Variants in SEMA5B observed in about 807,000 individuals in gnomAD.
The protein encoded by SEMA5B is semaphorin-5B.
Under a neutral mutation model 135.0 loss-of-function variants are expected in SEMA5B, and 66 were observed. The observed-to-expected ratio is 0.49, with a 90% CI of 0.40 to 0.60. The LOEUF is 0.60. Among genes scored for constraint, SEMA5B ranks in the 20% least tolerant of loss-of-function variants. SEMA5B has a pLI of 0.00. For synonymous variants in SEMA5B, 690 were observed against 639.5 expected (o/e 1.08, Z -1.19); for missense variants, 1,501 against 1,566.3 (o/e 0.96, Z 0.70).
chr3:123,010,242 A>G (rs2034177), intron 1 of SEMA5B, among the ~76,000 whole-genome samples: 41,817 of 152,124 alleles, frequency 0.27, 11,143 homozygotes, highest in African/African-American at 0.7. Flanking sequence ...GGATGGGACA[A>G]ATCATGGAAT....
intron 12 of SEMA5B, among the ~76,000 whole-genome samples, chr3:122,920,330 G>T (rs1237390730): frequency 6.6e-6 from 1 of 152,204 alleles, no homozygotes; most frequent in Admixed American, 6.5e-5. Context: ...CTTGGGCTGG[G>T]TGGGACTCCC....
intron 1 of SEMA5B, among the ~76,000 whole-genome samples, chr3:122,971,276 C>T (rs1333491383): frequency 1.3e-5 from 2 of 152,226 alleles, no homozygotes; most frequent in African/African-American, 2.4e-5. Flanking sequence ...AGCTGCTAAC[C>T]CAGCACCAGT....
chr3:123,011,868 G>T (rs9864897), intron 1 of SEMA5B, among the ~76,000 whole-genome samples: 40,139 of 152,082 alleles, frequency 0.26, 10,077 homozygotes, highest in African/African-American at 0.66. Flanking sequence ...CAGAAACCCC[G>T]CTCTGGGGCT....
chr3:123,008,611 A>G (rs1219736604), intron 1 of SEMA5B, among the ~76,000 whole-genome samples: 1 of 152,108 alleles, frequency 6.6e-6, no homozygotes, highest in Non-Finnish European at 1.5e-5. Flanking sequence ...CAGGGTTTTG[A>G]GAAGATGTCA....
At chr3:122,976,218 C>T in intron 1 of SEMA5B, 1 of 1,434,234 alleles carries the variant, frequency 7.0e-7, no homozygotes, top group Non-Finnish European at 9.3e-7. Context: ...CCAGCAGCAT[C>T]TGCACCTCCT....
chr3:122,923,598 AGAG>A lies in SEMA5B; in HGVS notation c.1272+16_1272+18del. On this transcript the variant is annotated intron_variant, in intron 10 of 22. Transcript: ENST00000357599. ...TAAGGCAGTGTGTGAAGACAGGGAA[AGAG>A]GAGGAGATTCTGTACCTGGAAATTG... The A allele has an allele frequency of 6.2e-7, 1 of 1,613,798 alleles. No homozygotes were observed.
intron 5 of SEMA5B, among the ~76,000 whole-genome samples, chr3:122,932,044 T>A (rs1350460748): frequency 6.6e-6 from 1 of 152,200 alleles, no homozygotes; most frequent in Non-Finnish European, 1.5e-5. Context: ...TTCAGACTCA[T>A]TAAAATGTGA....
chr3:122,957,427 C>T (rs529306523), intron 2 of SEMA5B, among the ~76,000 whole-genome samples: 1 of 152,366 alleles, frequency 6.6e-6, no homozygotes, highest in East Asian at 1.9e-4. Flanking sequence ...AGCCGTGTGG[C>T]CCACAGAGCT....
intron 1 of SEMA5B, among the ~76,000 whole-genome samples, chr3:122,978,752 G>A (rs10934630): frequency 0.012 from 1,834 of 152,158 alleles, 38 homozygotes; most frequent in African/African-American, 0.041. Context: ...AGGGCCTTGC[G>A]TGATGGGGAG....
intron 3 of SEMA5B, among the ~76,000 whole-genome samples, chr3:122,946,219 A>T (rs1008480803): frequency 1.3e-5 from 2 of 152,228 alleles, no homozygotes; most frequent in Admixed American, 1.3e-4. Context: ...CTGGAAAGGT[A>T]ACACTGGCAA....
intron 3 of SEMA5B, among the ~76,000 whole-genome samples, chr3:122,943,864 A>G (rs898900602): frequency 3.3e-5 from 5 of 152,122 alleles, no homozygotes; most frequent in African/African-American, 1.2e-4. Context: ...TTCTACCTCT[A>G]CACTGCCTCT....
upstream of SEMA5B, chr3:123,027,960 A>G (rs2107864534): frequency 6.6e-6 from 1 of 150,678 alleles, no homozygotes; most frequent in South Asian, 2.1e-4. Context: ...TGCTCGGCCG[A>G]CTCCCGCCCC....
intron 12 of SEMA5B, 105 bp downstream of exon 12, chr3:122,921,810 G>T (rs1938357283): frequency 5.7e-6 from 5 of 876,718 alleles, no homozygotes; most frequent in Non-Finnish European, 6.7e-6. Context: ...AGGCACACTA[G>T]TGGAGACTGC....
intron 1 of SEMA5B, among the ~76,000 whole-genome samples, chr3:122,972,012 C>T (rs6788157): frequency 0.21 from 31,734 of 152,176 alleles, 3,450 homozygotes; most frequent in Middle Eastern, 0.27. Context: ...ACTCAACAAA[C>T]GCTTGTTGTC....
chr3:122,954,416 CGTTGGA>C (rs1940190845), intron 2 of SEMA5B, among the ~76,000 whole-genome samples: 2 of 152,354 alleles, frequency 1.3e-5, no homozygotes, highest in South Asian at 4.1e-4. Context: ...TACTTAATCC[CGTTGGA>C]GTTGTGTCAG....
At chr3:122,980,460 CAAA>C (rs34995253) in intron 1 of SEMA5B, among the ~76,000 whole-genome samples, 31 of 109,776 alleles carry the variant, frequency 2.8e-4, no homozygotes, top group South Asian at 3.1e-4. Context: ...AAAGCCGTGT[CAAA>C]AAAAAAAAAA....
In SEMA5B at chr3:122,918,917, TCTGA is replaced by T. The variant is rs144638629; in HGVS notation, c.1688+2994_1688+2997del. 5.5e-3 allele frequency among the ~76,000 whole-genome samples: 834 copies of T among 151,874 alleles called. 6 individuals are homozygous for T. Among genetic ancestry groups the T allele is most frequent in the African/African-American group, 0.019 (800 of 41,404 alleles). ...AAGGATAAGAGACTTAAAGTGTGTC[TCTGA>T]CTGTGGAAATGGGTGGCAGTTTAGA... is the stretch of plus-strand genomic sequence containing the variant. On this transcript the variant is annotated intron_variant, in intron 12 of 22. Transcript: ENST00000357599.
At chr3:122,990,359 C>G (rs527947567) in intron 1 of SEMA5B, among the ~76,000 whole-genome samples, 121 of 152,238 alleles carry the variant, frequency 7.9e-4, no homozygotes, top group African/African-American at 2.8e-3. Flanking sequence ...GGATTTTGCC[C>G]TTGGCCAAAT....
intron 2 of SEMA5B, among the ~76,000 whole-genome samples, chr3:122,959,207 G>A (rs563200831): frequency 2.4e-4 from 36 of 152,310 alleles, no homozygotes; most frequent in African/African-American, 8.7e-4. Context: ...ATATTATGCC[G>A]TTTAATCCAA....
Sources: allele counts gnomAD v4.1 joint callset (sites outside exome capture counted in the v4.1 genomes callset), GRCh38; gene constraint gnomAD v4.1.1; transcripts MANE v1.5; gene names NCBI Gene and HGNC (gene_info 2026-07-23, HGNC 2026-07-21).